PREX2: variants seen among roughly 807,000 people sequenced by gnomAD.
PREX2 encodes phosphatidylinositol-3,4,5-trisphosphate dependent Rac exchange factor 2, also known as phosphatidylinositol 3,4,5-trisphosphate-dependent Rac exchanger 2 protein.
In PREX2, 107 loss-of-function variants were observed where a neutral mutation model predicts 203.2. The ratio of observed to expected loss-of-function variants is 0.53; its 90% CI spans 0.45 to 0.62. PREX2 has a LOEUF of 0.62. Among genes scored for constraint, PREX2 ranks in the 20% least tolerant of loss-of-function variants. The pLI is 0.00. For synonymous variants in PREX2, 672 were observed against 663.6 expected, an observed-to-expected ratio of 1.01 and a Z score of -0.19; for missense variants, 1,777 against 1,955.9, an observed-to-expected ratio of 0.91 and a Z score of 1.72.
At chr8:68,201,306 A>G (rs1812496794) in intron 37 of PREX2, among the ~76,000 whole-genome samples, 1 of 152,106 alleles carries the variant, frequency 6.6e-6, no homozygotes, top group African/African-American at 2.4e-5. Flanking sequence ...AGCAGGTAGT[A>G]TGGAGGGTGT....
chr8:68,198,033 C>G (rs116744453), intron 37 of PREX2, among the ~76,000 whole-genome samples: 1 of 151,800 alleles, frequency 6.6e-6, no homozygotes, highest in African/African-American at 2.4e-5. Context: ...AAAAGCCAAA[C>G]GCTTAGATAA....
chr8:68,141,075 G>T (rs946391381), intron 33 of PREX2, among the ~76,000 whole-genome samples: 2 of 152,104 alleles, frequency 1.3e-5, no homozygotes, highest in Non-Finnish European at 2.9e-5. Context: ...ATGGAACTTA[G>T]ACACTAATGA....
At chr8:67,986,516 T>C (rs1806431564) in intron 1 of PREX2, among the ~76,000 whole-genome samples, 1 of 152,238 alleles carries the variant, frequency 6.6e-6, no homozygotes, top group Admixed American at 6.5e-5. Context: ...GCTTGCTTGC[T>C]ACATGTAGAC....
chr8:68,119,579 T>C (rs1810726257), intron 28 of PREX2, 65 bp downstream of exon 28: 4 of 1,193,838 alleles, frequency 3.4e-6, no homozygotes, highest in Admixed American at 1.7e-5. Flanking sequence ...CTTTTTCATA[T>C]GCAGTAAAAG....
At chr8:68,019,472 G>A in intron 2 of PREX2, 77 bp from the exon 3 acceptor site, 1 of 1,175,930 alleles carries the variant, frequency 8.5e-7, no homozygotes, top group South Asian at 1.7e-5. Context: ...TCAGGTTGGA[G>A]AGAGAATACT....
chr8:68,174,220 G>A (rs893594937), intron 35 of PREX2, among the ~76,000 whole-genome samples: 2 of 152,098 alleles, frequency 1.3e-5, no homozygotes, highest in Admixed American at 1.3e-4. Flanking sequence ...CACCTGTCAG[G>A]AAATTTAGCT....
intron 1 of PREX2, among the ~76,000 whole-genome samples, chr8:67,968,761 A>G (rs1805843040): frequency 6.6e-6 from 1 of 152,180 alleles, no homozygotes; most frequent in Admixed American, 6.5e-5. Context: ...TGGGTTTCTT[A>G]TCTATGCTTT....
rs61753698 is a variant in PREX2 at position 68,019,668 on chromosome 8, C to G, written c.333C>G (p.His111Gln). ...AQQEVGTCFL[H>Q]FKDKFRIYDE... ...AAGAAGTGGGAACCTGCTTTCTTCA[C>G]TTTGTAGGATAAATTTCTTTTTATT... Residue 111 changes from histidine to glutamine, a missense_variant, in exon 3 of 40, where the codon CAC becomes CAG. Coordinates refer to ENST00000288368, the MANE Select transcript of PREX2 (RefSeq NM_024870.4). 1 of 1,601,330 alleles carries G rather than the reference C, an allele frequency of 6.2e-7. No homozygotes were observed. The highest frequency in any genetic ancestry group is 8.5e-7 in the Non-Finnish European group (1 of 1,177,016).
rs929358341 is a variant in PREX2, at chr8:68,121,009, C to T, written c.3684C>T (p.Ser1228=). The part of the protein sequence containing the change: ...IKQDPWNLPS[S]VRTLAQNIRK... Reference sequence around the variant, plus strand: ...AAGATCCTTGGAATCTTCCCAGCAGCGTCCGGACTCTTGCTCAGAACATCA... The same window carrying T: ...AAGATCCTTGGAATCTTCCCAGCAGTGTCCGGACTCTTGCTCAGAACATCA... Residue 1228 remains serine, a synonymous_variant, in exon 30 of 40, where the codon AGC becomes AGT. Transcript: ENST00000288368. The T allele has an allele frequency of 4.3e-6, 7 of 1,613,576 alleles. No homozygotes were observed. The highest frequency in any genetic ancestry group is 1.7e-5 in the Admixed American group (1 of 59,936).
chr8:67,999,730 A>T (rs952999158), intron 1 of PREX2, among the ~76,000 whole-genome samples: 4 of 152,154 alleles, frequency 2.6e-5, no homozygotes, highest in African/African-American at 4.8e-5. Context: ...ATACTTACAA[A>T]CTGAATCCAG....
chr8:68,230,286 C>T (rs79017074), intron 39 of PREX2, among the ~76,000 whole-genome samples: 3,043 of 152,184 alleles, frequency 0.02, 117 homozygotes, highest in African/African-American at 0.069. Flanking sequence ...TCAATTTAGT[C>T]GGTAAAAGGG....
chr8:68,162,751 C>T (rs1811679896), intron 35 of PREX2, among the ~76,000 whole-genome samples: 1 of 152,152 alleles, frequency 6.6e-6, no homozygotes, highest in South Asian at 2.1e-4. Context: ...CCATGTTAAG[C>T]TTTATTTTGC....
intron 38 of PREX2, among the ~76,000 whole-genome samples, chr8:68,223,625 A>G (rs942562944): frequency 2.0e-5 from 3 of 152,258 alleles, no homozygotes; most frequent in East Asian, 3.9e-4. Flanking sequence ...ACTCTCCTTA[A>G]CCTTTTCCAA....
intron 34 of PREX2, among the ~76,000 whole-genome samples, chr8:68,156,419 C>T (rs1585833612): frequency 6.6e-6 from 1 of 152,240 alleles, no homozygotes; most frequent in Non-Finnish European, 1.5e-5. Context: ...CGAATATGTA[C>T]ATATATGTGT....
chr8:68,219,622 T>C (rs1812915646), intron 38 of PREX2, among the ~76,000 whole-genome samples: 1 of 152,208 alleles, frequency 6.6e-6, no homozygotes. Flanking sequence ...TCCCAATGGC[T>C]ATGAGAGGCA....
At chr8:68,007,346 A>T (rs1178118199) in intron 1 of PREX2, among the ~76,000 whole-genome samples, 1 of 152,236 alleles carries the variant, frequency 6.6e-6, no homozygotes, top group Non-Finnish European at 1.5e-5. Context: ...ATAAATAAAA[A>T]GTCATGAATG....
At chr8:68,148,401 TTCTC>T (rs1811369331) in intron 34 of PREX2, among the ~76,000 whole-genome samples, 1 of 152,236 alleles carries the variant, frequency 6.6e-6, no homozygotes, top group Non-Finnish European at 1.5e-5. Flanking sequence ...TTTCCTTTAT[TTCTC>T]TCTTCTTAAA....
intron 26 of PREX2, among the ~76,000 whole-genome samples, chr8:68,118,310 G>A (rs1466061780): frequency 4.0e-5 from 6 of 148,862 alleles, no homozygotes; most frequent in Non-Finnish European, 7.4e-5. Flanking sequence ...AGCCGAGATC[G>A]CACCACTGCA....
At chr8:68,112,493 ATGG>A (rs538888493) in intron 25 of PREX2, among the ~76,000 whole-genome samples, 25 of 151,252 alleles carry the variant, frequency 1.7e-4, no homozygotes, top group South Asian at 4.2e-4. Flanking sequence ...ACAGATAGGA[ATGG>A]TGGTGGTGGT....
Sources: allele counts gnomAD v4.1 joint callset (sites outside exome capture counted in the v4.1 genomes callset), GRCh38; gene constraint gnomAD v4.1.1; transcripts MANE v1.5; gene names NCBI Gene and HGNC (gene_info 2026-07-23, HGNC 2026-07-21).